MAP3K15: variants seen among roughly 807,000 people sequenced by gnomAD.
MAP3K15 encodes the protein mitogen-activated protein kinase kinase kinase 15.
MAP3K15 carries 124 observed loss-of-function variants against 99.5 expected under a neutral mutation model. The observed-to-expected ratio is 1.25, with a 90% CI of 1.08 to 1.45. The LOEUF is 1.45. MAP3K15 is among the 40% of genes most tolerant of loss of function. The pLI is 0.00. For missense variants in MAP3K15, 1,242 were observed against 1,079.7 expected, an observed-to-expected ratio of 1.15 and a Z score of -2.11; for synonymous variants, 494 against 439.6, an observed-to-expected ratio of 1.12 and a Z score of -1.55.
chrX:19,423,860 C>T (rs2063807361), intron 9 of MAP3K15, among the ~76,000 whole-genome samples: 1 of 111,786 alleles, frequency 8.9e-6, no homozygotes, highest in African/African-American at 3.2e-5. Flanking sequence ...GAGGTTGGAG[C>T]TGAGGTATTA....
At chrX:19,375,987 C>T (rs2039429534) in intron 19 of MAP3K15, among the ~76,000 whole-genome samples, 1 of 112,294 alleles carries the variant, frequency 8.9e-6, no homozygotes, top group African/African-American at 3.2e-5. Flanking sequence ...GCACTGTTCA[C>T]AGGCACTAGG....
chrX:19,420,073 C>T (rs1337383443), intron 9 of MAP3K15, among the ~76,000 whole-genome samples: 1 of 111,622 alleles, frequency 9.0e-6, no homozygotes, highest in African/African-American at 3.3e-5. Context: ...ACTAAATGCC[C>T]ACAAGAGAAA....
rs756228313 is a variant in MAP3K15 at position 19,377,471 on chromosome X, G to A, written c.2589+2649C>T. Among the ~76,000 whole-genome samples, 21 of 111,199 alleles carry A rather than the reference G, an allele frequency of 1.9e-4. No homozygotes were observed. In the South Asian group the frequency reaches 1.9e-3, roughly 10 times the overall value. On this transcript the variant is annotated intron_variant, in intron 19 of 28. Transcript: ENST00000338883. ...AGGCAGGAGAATCGCTTGAACCCGG[G>A]AGGCAGAGGCTGCAGTGAGCCAAGA... is the stretch of plus-strand genomic sequence containing the variant.
intron 1 of MAP3K15, among the ~76,000 whole-genome samples, chrX:19,504,603 A>G (rs1300477858): frequency 1.8e-5 from 2 of 112,165 alleles, no homozygotes; most frequent in African/African-American, 6.5e-5. Context: ...TTTGTTTAAA[A>G]AAAAGCCCAA....
At chrX:19,454,770 T>C (rs1215123546) in intron 6 of MAP3K15, among the ~76,000 whole-genome samples, 2 of 112,142 alleles carry the variant, frequency 1.8e-5, no homozygotes, top group Non-Finnish European at 3.8e-5. Context: ...AGGTATCTCT[T>C]ATCCAAAATG....
intron 1 of MAP3K15, among the ~76,000 whole-genome samples, chrX:19,489,950 C>T (rs1025417344): frequency 9.0e-6 from 1 of 110,717 alleles, no homozygotes; most frequent in Non-Finnish European, 1.9e-5. Context: ...GCAGGAGAAT[C>T]GCTTGTACCT....
At chrX:19,373,235 G>C (rs2063390553) in intron 21 of MAP3K15, 1 of 236,248 alleles carries the variant, frequency 4.2e-6, no homozygotes, top group Non-Finnish European at 7.2e-6. Context: ...AAGGGTGAGG[G>C]GGAGAGAGAG....
intron 1 of MAP3K15, among the ~76,000 whole-genome samples, chrX:19,510,722 G>C (rs866973874): frequency 9.8e-5 from 11 of 111,706 alleles, no homozygotes; most frequent in Middle Eastern, 9.1e-3. Flanking sequence ...GGAAATAAAG[G>C]GTATTCAATT....
chrX:19,512,419 A>C (rs192411003), intron 1 of MAP3K15, among the ~76,000 whole-genome samples: 2 of 111,989 alleles, frequency 1.8e-5, no homozygotes, highest in African/African-American at 6.5e-5. Flanking sequence ...GAGATGAGGA[A>C]AGAGTTCTGT....
chrX:19,508,275 G>A (rs774441703), intron 1 of MAP3K15, among the ~76,000 whole-genome samples: 195 of 108,538 alleles, frequency 1.8e-3, no homozygotes, highest in African/African-American at 6.2e-3. Context: ...GGGCTCAAGC[G>A]ATTCTCCTGC....
intron 9 of MAP3K15, among the ~76,000 whole-genome samples, chrX:19,416,966 A>G (rs2063741299): frequency 8.9e-6 from 1 of 112,365 alleles, no homozygotes; most frequent in Non-Finnish European, 1.9e-5. Context: ...TTTTAGATTT[A>G]CATGAAGTGC....
intron 6 of MAP3K15, among the ~76,000 whole-genome samples, chrX:19,432,960 C>T (rs1200288076): frequency 8.9e-6 from 1 of 112,233 alleles, no homozygotes; most frequent in Non-Finnish European, 1.9e-5. Flanking sequence ...GATCCACCCG[C>T]CTTGGCCTCC....
chrX:19,478,554 G>A (rs1443115699), intron 3 of MAP3K15, among the ~76,000 whole-genome samples: 2 of 109,026 alleles, frequency 1.8e-5, no homozygotes, highest in Non-Finnish European at 3.8e-5. Flanking sequence ...CCAGAGGAGA[G>A]ACTTCGAGTA....
At chrX:19,400,130 A>G (rs979493991) in intron 14 of MAP3K15, among the ~76,000 whole-genome samples, 1 of 112,252 alleles carries the variant, frequency 8.9e-6, no homozygotes, top group African/African-American at 3.2e-5. Context: ...ACTGTGGACT[A>G]TAACTGTGCT....
chrX:19,363,282 C>T (rs932889623), intron 25 of MAP3K15, among the ~76,000 whole-genome samples: 1 of 111,948 alleles, frequency 8.9e-6, no homozygotes, highest in Admixed American at 9.5e-5. Context: ...GAGGACACAC[C>T]GCGAGAAGAT....
rs761246318 is a variant in MAP3K15, at chrX:19,393,760, C to CTTTTTTTT, written c.2195-1295_2195-1288dup. Among the ~76,000 whole-genome samples, 63 of 60,243 alleles carry CTTTTTTTT rather than the reference C, an allele frequency of 1.0e-3. 6 individuals carry two copies. Among genetic ancestry groups the CTTTTTTTT allele is most frequent in the African/African-American group, 4.1e-3 (54 of 13,021 alleles). The allele number at this position is 60,243 out of a possible 115,157, so 52.3% of individuals were successfully genotyped here. A position where few individuals can be genotyped will look rare whatever the true frequency, so the allele number is the denominator to read the frequency against. ...TGAAAATCTAGCCCACTGCCTGGCT[C>CTTTTTTTT]TTTTTTTTTTTTTTTTTTTTTTTTT... On this transcript the variant is annotated intron_variant, in intron 16 of 28. Coordinates refer to ENST00000338883, the MANE Select transcript of MAP3K15 (RefSeq NM_001001671.4).
At chrX:19,498,740 G>T (rs1173286452) in intron 1 of MAP3K15, among the ~76,000 whole-genome samples, 1 of 112,081 alleles carries the variant, frequency 8.9e-6, no homozygotes, top group Non-Finnish European at 1.9e-5. Flanking sequence ...GGCATCCCAC[G>T]TGTTCAAGGC....
chrX:19,368,012 G>A (rs983433619), intron 25 of MAP3K15, among the ~76,000 whole-genome samples: 5 of 109,506 alleles, frequency 4.6e-5, no homozygotes, highest in African/African-American at 1.3e-4. Flanking sequence ...CTCCCAAAGT[G>A]CTGGGATTAC....
At chrX:19,422,574 T>G (rs140852637) in intron 9 of MAP3K15, among the ~76,000 whole-genome samples, 7,091 of 111,658 alleles carry the variant, frequency 0.064, 579 homozygotes, top group African/African-American at 0.22. Flanking sequence ...TTTTACACTG[T>G]TGGTGGGACT....
Sources: gnomAD v4.1 joint callset for allele counts (sites outside exome capture counted in the v4.1 genomes callset) on GRCh38, gnomAD v4.1.1 for gene constraint, MANE v1.5 for transcripts, NCBI Gene and HGNC (gene_info 2026-07-23, HGNC 2026-07-21) for gene names.